PCDH15: variants seen among roughly 807,000 people sequenced by gnomAD.
PCDH15 encodes protocadherin related 15.
Under a neutral mutation model 178.5 loss-of-function variants are expected in PCDH15, and 129 were observed. That is an observed-to-expected ratio of 0.72 (90% confidence interval 0.63 to 0.84). The LOEUF is 0.84. Ranked by LOEUF, PCDH15 falls within the 40% of genes least tolerant of loss-of-function variation. The probability of loss-of-function intolerance (pLI) is 0.00; values close to 1 mark genes in which losing one functional copy is unlikely to be tolerated. For synonymous variants in PCDH15, 800 were observed against 732.0 expected (o/e 1.09, Z -1.50); for missense variants, 2,230 against 2,099.9 (o/e 1.06, Z -1.21).
At chr10:55,532,735 GTGTT>G (rs1437654429) in intron 2 of PCDH15, among the ~76,000 whole-genome samples, 1 of 152,030 alleles carries the variant, frequency 6.6e-6, no homozygotes, top group African/African-American at 2.4e-5. Context: ...ATGGGAACAG[GTGTT>G]TGGCTGGAGA....
chr10:55,032,495 A>T (rs1372672798), intron 2 of PCDH15, among the ~76,000 whole-genome samples: 2 of 152,188 alleles, frequency 1.3e-5, no homozygotes, highest in Non-Finnish European at 1.5e-5. Flanking sequence ...AGTTATTTAT[A>T]CCCTGCTTCT....
intron 2 of PCDH15, among the ~76,000 whole-genome samples, chr10:54,987,469 A>G (rs1404169716): frequency 1.3e-5 from 2 of 152,154 alleles, no homozygotes; most frequent in African/African-American, 4.8e-5. Flanking sequence ...GAACTAATTT[A>G]TACTCCCACC....
At chr10:55,540,985 C>A (rs973843407) in intron 2 of PCDH15, among the ~76,000 whole-genome samples, 4 of 151,928 alleles carry the variant, frequency 2.6e-5, no homozygotes, top group African/African-American at 7.2e-5. Context: ...AACCAAAACC[C>A]ATTAATAAAA....
intron 21 of PCDH15, among the ~76,000 whole-genome samples, chr10:53,982,518 T>C (rs2090739466): frequency 1.3e-5 from 2 of 151,844 alleles, no homozygotes; most frequent in Admixed American, 6.6e-5. Flanking sequence ...ATGTCCTTTG[T>C]AGGGACATGG....
chr10:55,015,824 T>G (rs1452896488), intron 2 of PCDH15, among the ~76,000 whole-genome samples: 1 of 152,042 alleles, frequency 6.6e-6, no homozygotes, highest in Non-Finnish European at 1.5e-5. Flanking sequence ...TTAGGGAAGC[T>G]CAACAGTTCT....
chr10:54,023,102 G>A lies in PCDH15; in HGVS notation c.2316C>T (p.Tyr772=), dbSNP rs756048474. The change falls in exon 19 of 38, where the codon TAC becomes TAT. Residue 772 remains tyrosine (Y), a synonymous_variant. Coordinates refer to ENST00000644397, the MANE Select transcript of PCDH15 (RefSeq NM_001384140.1). The stretch of plus-strand genomic sequence containing the variant: ...CTTCTCTGTTAAGCTTCACTGCTGT[G>A]TAAATGCTCCCATTGGATGTGATAC... The part of the protein sequence containing the change: ...LFRITSNGSI[Y]TAVKLNREVR... The A allele has an allele frequency of 4.0e-5, 65 of 1,613,810 alleles. No homozygotes were observed. The highest frequency in any genetic ancestry group is 5.4e-5 in the Non-Finnish European group (64 of 1,179,900).
intron 2 of PCDH15, among the ~76,000 whole-genome samples, chr10:55,069,071 T>C (rs1196059287): frequency 2.6e-5 from 4 of 151,444 alleles, no homozygotes; most frequent in African/African-American, 9.7e-5. Flanking sequence ...CTATTTTTTT[T>C]TTTTTTTGTA....
chr10:54,253,884 T>C (rs1312014194), intron 8 of PCDH15, among the ~76,000 whole-genome samples: 1 of 152,024 alleles, frequency 6.6e-6, no homozygotes, highest in Non-Finnish European at 1.5e-5. Flanking sequence ...CATTTAATAC[T>C]AGGAAGAAAA....
At chr10:53,818,266 C>A (rs1325568432) in intron 33 of PCDH15, 4 of 305,478 alleles carry the variant, frequency 1.3e-5, no homozygotes, top group African/African-American at 8.6e-5. Flanking sequence ...CATGCAAAAT[C>A]TATTTTATTT....
intron 9 of PCDH15, among the ~76,000 whole-genome samples, chr10:54,234,495 A>T (rs182618009): frequency 6.6e-6 from 1 of 152,160 alleles, no homozygotes; most frequent in Non-Finnish European, 1.5e-5. Flanking sequence ...CGAAGCTTCA[A>T]TGAGCTATGA....
intron 2 of PCDH15, among the ~76,000 whole-genome samples, chr10:55,355,835 G>A (rs940950152): frequency 6.6e-6 from 1 of 151,828 alleles, no homozygotes; most frequent in African/African-American, 2.4e-5. Context: ...ATCTAGATGT[G>A]ACATCCAAGA....
chr10:54,621,556 C>A (rs916019709), intron 2 of PCDH15, among the ~76,000 whole-genome samples: 33 of 151,910 alleles, frequency 2.2e-4, no homozygotes, highest in Admixed American at 7.9e-4. Context: ...GTCCAAAATC[C>A]GTGTAATTCT....
intron 1 of PCDH15, among the ~76,000 whole-genome samples, chr10:54,674,480 A>G (rs17500464): frequency 0.1 from 15,754 of 152,134 alleles, 1,054 homozygotes; most frequent in Middle Eastern, 0.16. Context: ...AAAGTCTAAT[A>G]CAGAAAGACA....
At chr10:54,224,857 A>T (rs2053259998) in intron 9 of PCDH15, among the ~76,000 whole-genome samples, 1 of 152,102 alleles carries the variant, frequency 6.6e-6, no homozygotes, top group Non-Finnish European at 1.5e-5. Context: ...TCCTGCTTTT[A>T]CAGCTTCCAA....
At chr10:55,301,596 T>C (rs555855174) in intron 1 of PCDH15, among the ~76,000 whole-genome samples, 5 of 152,258 alleles carry the variant, frequency 3.3e-5, no homozygotes, top group Non-Finnish European at 7.4e-5. Context: ...ACTTTTAATC[T>C]TGATGAAGCC....
At chr10:55,514,401 A>G (rs2132155625) in intron 2 of PCDH15, among the ~76,000 whole-genome samples, 1 of 152,320 alleles carries the variant, frequency 6.6e-6, no homozygotes, top group Non-Finnish European at 1.5e-5. Context: ...TTGTTCTCCG[A>G]AAGTTTGCTG....
chr10:55,314,579 C>CAA (rs35643186), intron 1 of PCDH15, among the ~76,000 whole-genome samples: 13,998 of 148,430 alleles, frequency 0.094, 1,545 homozygotes, highest in African/African-American at 0.27. Context: ...GCTCTCTAAA[C>CAA]AAAAAAAAAA....
At chr10:53,854,293 C>A (rs1270972522) in intron 28 of PCDH15, among the ~76,000 whole-genome samples, 1 of 151,832 alleles carries the variant, frequency 6.6e-6, no homozygotes, top group Non-Finnish European at 1.5e-5. Context: ...TAATGGGTAC[C>A]AAATTTCAGT....
intron 6 of PCDH15, among the ~76,000 whole-genome samples, chr10:54,341,252 T>C (rs545444690): frequency 1.0e-3 from 158 of 152,224 alleles, no homozygotes; most frequent in South Asian, 2.3e-3. Context: ...CCCCATGTAT[T>C]GAGGGAGGGA....
Sources: allele counts gnomAD v4.1 joint callset (sites outside exome capture counted in the v4.1 genomes callset), GRCh38; gene constraint gnomAD v4.1.1; transcripts MANE v1.5; gene names NCBI Gene and HGNC (gene_info 2026-07-23, HGNC 2026-07-21).